Variants in LRPAP1 observed in about 807,000 individuals in gnomAD.
LRPAP1 encodes LDL receptor related protein associated protein 1.
Under a neutral mutation model 39.9 loss-of-function variants are expected in LRPAP1, and 41 were observed. The observed-to-expected ratio is 1.03, with a 90% confidence interval of 0.80 to 1.33. The LOEUF (loss-of-function observed/expected upper bound fraction) is 1.33. Ranked by LOEUF, LRPAP1 falls within the 40% of genes most tolerant of loss-of-function variation. LRPAP1 has a pLI of 0.00. For missense variants in LRPAP1, 565 were observed against 482.3 expected (o/e 1.17, Z -1.61); for synonymous variants, 263 against 212.7 (o/e 1.24, Z -2.06).
At chr4:3,518,740 C>T (rs1014483917) in intron 4 of LRPAP1, 131 bp downstream of exon 4, 41 of 621,450 alleles carry the variant, frequency 6.6e-5, no homozygotes, top group Non-Finnish European at 1.1e-4. Context: ...CTGGTGCCGC[C>T]TCCCTGCCCC....
In LRPAP1 at chr4:3,516,240, T is replaced by C. The variant is rs371913003; in HGVS notation, c.752-42A>G. 5.9e-5 allele frequency: 88 copies of C among 1,492,096 alleles called. No individual in the cohort carries two copies. In the East Asian group the frequency reaches 6.6e-4, roughly 11 times the overall value. 92.4% of individuals were successfully genotyped at this position (1,492,096 alleles called of 1,614,324 possible). On this transcript the variant is annotated intron_variant, in intron 5 of 7. Transcript: ENST00000650182. Reference sequence around the variant, plus strand: ...AGAGTGGCCTCAGCAGCACCCGGGGTGCACACCACAGCCAGCCCCGCGGCA... The same window carrying C: ...AGAGTGGCCTCAGCAGCACCCGGGGCGCACACCACAGCCAGCCCCGCGGCA...
intron 4 of LRPAP1, 139 bp downstream of exon 4, chr4:3,518,732 G>A: frequency 1.7e-6 from 1 of 600,958 alleles, no homozygotes. Context: ...GAGGGCGTCT[G>A]GTGCCGCCTC....
intron 6 of LRPAP1, among the ~76,000 whole-genome samples, chr4:3,515,356 C>T (rs917145925): frequency 1.2e-4 from 19 of 152,184 alleles, no homozygotes; most frequent in African/African-American, 4.6e-4. Context: ...GCTCCAGACC[C>T]AGGGCCCTCC....
At chr4:3,527,393 C>T (rs942517336) in intron 1 of LRPAP1, among the ~76,000 whole-genome samples, 7 of 152,206 alleles carry the variant, frequency 4.6e-5, no homozygotes, top group African/African-American at 1.2e-4. Context: ...ACCTGAGTGA[C>T]GCTGAACTCT....
At position 3,512,403 on chromosome 4, in the gene LRPAP1, A is replaced by G. The variant is rs889526822; in HGVS notation, c.*571T>C. On this transcript the variant is annotated 3_prime_UTR_variant, in exon 8 of 8. Coordinates refer to ENST00000650182, the MANE Select transcript of LRPAP1 (RefSeq NM_002337.4). ...ACATCTTCCCCTCAAACTCAACTCA[A>G]GCGCTCTTGGCTTTAAATCAGGCCG... The G allele has an allele frequency of 1.3e-3, 199 of 153,854 alleles. 1 individual carries two copies. The highest frequency in any genetic ancestry group is 4.5e-4 in the Non-Finnish European group (31 of 69,154). 9.5% of individuals were successfully genotyped at this position (153,854 alleles called of 1,614,324 possible). A position where few individuals can be genotyped will look rare whatever the true frequency, so the allele number is the denominator to read the frequency against.
At chr4:3,529,291 C>A (rs1730172674) in intron 1 of LRPAP1, among the ~76,000 whole-genome samples, 1 of 152,026 alleles carries the variant, frequency 6.6e-6, no homozygotes, top group South Asian at 2.1e-4. Flanking sequence ...CCACTGCACC[C>A]CAGCCTCGGC....
At chr4:3,516,380 A>G (rs1347962062) in intron 5 of LRPAP1, among the ~76,000 whole-genome samples, 182 bp from the exon 6 acceptor site, 2 of 152,254 alleles carry the variant, frequency 1.3e-5, no homozygotes, top group Non-Finnish European at 2.9e-5. Flanking sequence ...TCTGCTCAGT[A>G]GCTCACATGA....
chr4:3,520,152 G>T lies in LRPAP1; in HGVS notation c.391C>A (p.Arg131=). The T allele has an allele frequency of 6.2e-7, 1 of 1,614,182 alleles. No individual in the cohort carries two copies. The highest frequency in any genetic ancestry group is 1.1e-5 in the South Asian group (1 of 91,088). Residue 131 remains arginine (R), a synonymous_variant, in exon 3 of 8, where the codon CGG becomes AGG. Transcript: ENST00000650182. ...CTGAGGGAGTTGCTGGTCACCTGCC[G>T]AGCGTCCTTCTTTCCGTCCAGACCA... is the stretch of plus-strand genomic sequence containing the variant. The part of the protein sequence containing the change: ...KYGLDGKKDA[R]QVTSNSLSGT...
rs1418269067 is a variant in LRPAP1 at position 3,510,748 on chromosome 4, C to T, written c.*2226G>A. ...GATGCTGAGCGAATGTAAGCAGATACACGCAGACATACACAGACGCACGCA... is the reference window on the plus strand; with the variant it reads ...GATGCTGAGCGAATGTAAGCAGATATACGCAGACATACACAGACGCACGCA... On this transcript the variant is annotated 3_prime_UTR_variant, in exon 8 of 8. Coordinates refer to ENST00000650182, the MANE Select transcript of LRPAP1 (RefSeq NM_002337.4). The T allele has an allele frequency of 1.3e-5, 2 of 152,068 alleles. No homozygotes were observed. The highest frequency in any genetic ancestry group is 2.9e-5 in the Non-Finnish European group (2 of 68,064). 9.4% of individuals were successfully genotyped at this position (152,068 alleles called of 1,614,324 possible).
At position 3,532,395 on chromosome 4, in the gene LRPAP1, GA is replaced by G; in HGVS notation, c.17del (p.Val6AlafsTer54). On this transcript the variant is annotated frameshift_variant, in exon 1 of 8. Coordinates refer to ENST00000650182, the MANE Select transcript of LRPAP1 (RefSeq NM_002337.4). LOFTEE classifies it high-confidence loss of function. The stretch of plus-strand genomic sequence containing the variant: ...CCGGGAGCCCGCGCAGAAACGACCT[GA>G]CCCTCCGCGGCGCCATCTTCCTCTG... MAPRR[V>X]RSFLRGLPAL... The G allele has an allele frequency of 1.3e-6, 2 of 1,580,256 alleles. No individual in the cohort carries two copies. The highest frequency in any genetic ancestry group is 1.7e-6 in the Non-Finnish European group (2 of 1,164,198).
chr4:3,518,931 G>A lies in LRPAP1; in HGVS notation c.532C>T (p.His178Tyr), dbSNP rs1176950144. 6.2e-7 allele frequency: 1 copy of A among 1,614,028 alleles called. No individual in the cohort carries two copies. Among genetic ancestry groups the A allele is most frequent in the East Asian group, 2.2e-5 (1 of 44,870 alleles). ...TACTCGTGAACTTTCTCTTTGTGATGCAGGAACTCCCGCCAGAGCTTGTCC... is the reference window on the plus strand; with the variant it reads ...TACTCGTGAACTTTCTCTTTGTGATACAGGAACTCCCGCCAGAGCTTGTCC... ...ELDKLWREFL[H>Y]HKEKVHEYNV... The change falls in exon 4 of 8, where the codon CAT (histidine) becomes TAT (tyrosine). Residue 178 changes from histidine (H) to tyrosine (Y), a missense_variant. His to Tyr is a moderately conservative substitution (Grantham distance 83, BLOSUM62 2). Coordinates refer to ENST00000650182, the MANE Select transcript of LRPAP1 (RefSeq NM_002337.4).
chr4:3,518,301 T>C (rs1030422598), intron 4 of LRPAP1, 109 bp from the exon 5 acceptor site: 1 of 1,239,564 alleles, frequency 8.1e-7, no homozygotes, highest in Non-Finnish European at 1.1e-6. Context: ...CTCTCATTTC[T>C]GGGCTGAAAA....
Position 3,532,334 on chromosome 4 carries a change from G to A in LRPAP1, c.79C>T (p.Pro27Ser). ...TACTTGCCGCCGTGGCTCGCAGCGG[G>A]CCAGGGCCCGAGGAAGAGCAGCAGC... ...LLLLLFLGPWPAASHGGKYSR... is the reference protein window; with the variant it reads ...LLLLLFLGPWSAASHGGKYSR... The change falls in exon 1 of 8, where the codon CCC (proline) becomes TCC (serine). Residue 27 changes from proline (P) to serine (S), a missense_variant. Pro to Ser is a moderately conservative substitution (Grantham distance 74). Transcript: ENST00000650182. 1 of 1,590,428 alleles carries A rather than the reference G, an allele frequency of 6.3e-7. No homozygotes were observed. Among genetic ancestry groups the A allele is most frequent in the Non-Finnish European group, 8.6e-7 (1 of 1,168,724 alleles).
rs1226935230 is a variant in LRPAP1 at position 3,505,871 on chromosome 4, AGCAG to A, written c.*7099_*7102del. ...TGACCTTTCAGATGGATGCTGACCC[AGCAG>A]GCTGGGCTGAGCTGGGACCAGCTCT... is the stretch of plus-strand genomic sequence containing the variant. On this transcript the variant is annotated 3_prime_UTR_variant, in exon 8 of 8. Coordinates refer to ENST00000650182, the MANE Select transcript of LRPAP1 (RefSeq NM_002337.4). Among the ~76,000 whole-genome samples the A allele has an allele frequency of 2.6e-5, 4 of 152,220 alleles. No individual in the cohort carries two copies. The highest frequency in any genetic ancestry group is 4.4e-5 in the Non-Finnish European group (3 of 68,036).
At chr4:3,513,453 G>A (rs545054569) in intron 7 of LRPAP1, among the ~76,000 whole-genome samples, 6 of 152,256 alleles carry the variant, frequency 3.9e-5, no homozygotes, top group African/African-American at 1.4e-4. Context: ...GACTACAGGT[G>A]CCCACCGCCA....
At chr4:3,516,063 A>G in intron 6 of LRPAP1, 53 bp downstream of exon 6, 3 of 1,506,062 alleles carry the variant, frequency 2.0e-6, no homozygotes, top group Non-Finnish European at 2.7e-6. Flanking sequence ...GGAAACTGCA[A>G]GAGAATCTTC....
In LRPAP1 at chr4:3,506,907, A is replaced by G. The variant is rs1317905730; in HGVS notation, c.*6067T>C. The G allele has an allele frequency of 6.6e-6, 1 of 152,266 alleles. No individual in the cohort carries two copies. Among genetic ancestry groups the G allele is most frequent in the African/African-American group, 2.4e-5 (1 of 41,466 alleles). The allele number at this position is 152,266 out of a possible 1,614,324, so 9.4% of individuals were successfully genotyped here. A position where few individuals can be genotyped will look rare whatever the true frequency, so the allele number is the denominator to read the frequency against. On this transcript the variant is annotated 3_prime_UTR_variant, in exon 8 of 8. Transcript: ENST00000650182. Reference sequence around the variant, plus strand: ...CATATCTGAGGAAGGACTCACACCTAGACCTGGGAATAACGCTAAGACCAG... The same window carrying G: ...CATATCTGAGGAAGGACTCACACCTGGACCTGGGAATAACGCTAAGACCAG...
chr4:3,512,627 T>C lies in LRPAP1; in HGVS notation c.*347A>G, dbSNP rs1729562840. The C allele has an allele frequency of 7.2e-6, 2 of 276,404 alleles. No individual in the cohort carries two copies. The highest frequency in any genetic ancestry group is 1.4e-5 in the Non-Finnish European group (2 of 145,430). The allele number at this position is 276,404 out of a possible 1,614,324, so 17.1% of individuals were successfully genotyped here. Reference sequence around the variant, plus strand: ...TGTGCATGGTATTTCCGGTGGCAGATGTGTAAGATTTTTTATGTAAATCGT... The same window carrying C: ...TGTGCATGGTATTTCCGGTGGCAGACGTGTAAGATTTTTTATGTAAATCGT... On this transcript the variant is annotated 3_prime_UTR_variant, in exon 8 of 8. Transcript: ENST00000650182.
rs761486612 is a variant in LRPAP1, at chr4:3,520,111, G to A, written c.432C>T (p.Asp144=). The A allele has an allele frequency of 2.2e-5, 36 of 1,614,056 alleles. No individual in the cohort carries two copies. Among genetic ancestry groups the A allele is most frequent in the African/African-American group, 5.3e-5 (4 of 74,928 alleles). ...TTTCCAGCCTGGGGTCATCCAGCCC[G>A]TCTTCCTGGGTGCCACTGAGGGAGT... ...TSNSLSGTQE[D]GLDDPRLEKL... Residue 144 remains aspartate (D), a synonymous_variant, in exon 3 of 8, where the codon GAC becomes GAT. Transcript: ENST00000650182.
Sources: gnomAD v4.1 joint callset for allele counts (sites outside exome capture counted in the v4.1 genomes callset) on GRCh38, gnomAD v4.1.1 for gene constraint, MANE v1.5 for transcripts, NCBI Gene and HGNC (gene_info 2026-07-23, HGNC 2026-07-21) for gene names.